Variants in SSR1 observed in about 807,000 individuals in gnomAD.
The protein encoded by SSR1 is signal sequence receptor subunit 1, also known as translocon-associated protein subunit alpha.
In SSR1, 13 loss-of-function variants were observed where a neutral mutation model predicts 36.1. The ratio of observed to expected loss-of-function variants is 0.36; its 90% CI spans 0.23 to 0.57. The LOEUF (loss-of-function observed/expected upper bound fraction) is 0.57, where lower values mean the gene tolerates loss of function less well. Ranked by LOEUF, SSR1 falls within the 20% of genes least tolerant of loss-of-function variation. The probability of loss-of-function intolerance (pLI) is 0.81; values close to 1 mark genes in which losing one functional copy is unlikely to be tolerated. For missense variants in SSR1, 291 were observed against 338.5 expected (o/e 0.86, Z 1.10); for synonymous variants, 113 against 118.9 (o/e 0.95, Z 0.32).
At position 7,295,071 on chromosome 6, in the gene SSR1, A is replaced by AAAAT. The variant is rs1482397090; in HGVS notation, c.793+317_793+320dup. On this transcript the variant is annotated intron_variant, in intron 7 of 7. Coordinates refer to ENST00000244763, the MANE Select transcript of SSR1 (RefSeq NM_003144.5). ...CAATTCTCTAGCAAAAACCATTAAAAAAATTAAATGCCTCACCTCTTCTAC... is the reference window on the plus strand; with the variant it reads ...CAATTCTCTAGCAAAAACCATTAAAAAAATAAATTAAATGCCTCACCTCTTCTAC... 3.3e-6 allele frequency: 5 copies of AAAAT among 1,510,030 alleles called. 1 individual carries two copies. The highest frequency in any genetic ancestry group is 4.6e-5 in the Admixed American group (2 of 43,486). The allele number at this position is 1,510,030 out of a possible 1,614,324, so 93.5% of individuals were successfully genotyped here.
chr6:7,293,846 A>G (rs543167613), intron 7 of SSR1, among the ~76,000 whole-genome samples: 1 of 152,376 alleles, frequency 6.6e-6, no homozygotes, highest in South Asian at 2.1e-4. Flanking sequence ...TCAAGGGTCA[A>G]CTATGAATAT....
intron 1 of SSR1, among the ~76,000 whole-genome samples, 198 bp downstream of exon 1, chr6:7,312,844 G>A (rs536285478): frequency 1.3e-5 from 2 of 152,358 alleles, no homozygotes; most frequent in East Asian, 1.9e-4. Flanking sequence ...CGCGTGCAAG[G>A]GGCAGGCCGC....
At chr6:7,312,977 T>C (rs1449337346) in intron 1 of SSR1, 65 bp downstream of exon 1, 1 of 1,523,608 alleles carries the variant, frequency 6.6e-7, no homozygotes, top group African/African-American at 1.4e-5. Context: ...CGCCTCCAAC[T>C]TCAAACTTGC....
At chr6:7,294,076 T>C (rs1011097974) in intron 7 of SSR1, among the ~76,000 whole-genome samples, 2 of 152,162 alleles carry the variant, frequency 1.3e-5, no homozygotes, top group Non-Finnish European at 2.9e-5. Flanking sequence ...TAAGAAGTTA[T>C]CCTATAAATT....
chr6:7,289,762 G>C lies in SSR1; in HGVS notation c.*102C>G. ...TTGCTCAGTCCACACACAAGTAGGA[G>C]TTGCCTTCTATGGTGACATGGCTTC... On this transcript the variant is annotated 3_prime_UTR_variant, in exon 8 of 8. Transcript: ENST00000244763. The C allele has an allele frequency of 1.0e-6, 1 of 1,004,122 alleles. No individual in the cohort carries two copies. The allele number at this position is 1,004,122 out of a possible 1,614,324, so 62.2% of individuals were successfully genotyped here.
chr6:7,295,174 C>A, intron 7 of SSR1: 1 of 1,457,020 alleles, frequency 6.9e-7, no homozygotes, highest in Non-Finnish European at 9.1e-7. Flanking sequence ...CATAAATAAG[C>A]TGCAGATCTG....
Position 7,289,861 on chromosome 6 carries a change from C to G in SSR1, c.*3G>C. ...AAGACCGAATTGTTGCACAAAGGAA[C>G]ATTTACTCATCAGATCCCACTGATC... On this transcript the variant is annotated 3_prime_UTR_variant, in exon 8 of 8. Coordinates refer to ENST00000244763, the MANE Select transcript of SSR1 (RefSeq NM_003144.5). The G allele has an allele frequency of 6.4e-7, 1 of 1,568,058 alleles. No individual in the cohort carries two copies.
intron 1 of SSR1, among the ~76,000 whole-genome samples, chr6:7,311,236 G>A (rs779241354): frequency 1.3e-5 from 2 of 152,212 alleles, no homozygotes; most frequent in African/African-American, 2.4e-5. Flanking sequence ...GTGAATCACA[G>A]TTTTATAGAC....
rs1456225236 is a variant in SSR1, at chr6:7,298,739, T to C, written c.620+8A>G. 6 of 1,608,244 alleles carry C rather than the reference T, an allele frequency of 3.7e-6. No homozygotes were observed. In the Middle Eastern group the frequency reaches 5.0e-4, roughly 133 times the overall value. On this transcript the variant is annotated splice_region_variant and intron_variant, in intron 5 of 7. Transcript: ENST00000244763. ...AATCAAGATCTACATACTACAACTT[T>C]CACTTACGTTTCTCCATCTAACCCA...
At chr6:7,291,306 G>A (rs781526355) in intron 7 of SSR1, among the ~76,000 whole-genome samples, 1 of 152,118 alleles carries the variant, frequency 6.6e-6, no homozygotes, top group Non-Finnish European at 1.5e-5. Context: ...GCTGAGGCAG[G>A]AGAATCACTT....
At chr6:7,299,044 T>C (rs1007745854) in intron 4 of SSR1, among the ~76,000 whole-genome samples, 1 of 152,186 alleles carries the variant, frequency 6.6e-6, no homozygotes, top group Admixed American at 6.5e-5. Context: ...AGATGGCGTA[T>C]GCCTGTGGTC....
At chr6:7,307,779 G>C (rs1481850090) in intron 2 of SSR1, among the ~76,000 whole-genome samples, 1 of 152,162 alleles carries the variant, frequency 6.6e-6, no homozygotes, top group East Asian at 1.9e-4. Context: ...TCCTGTCCTG[G>C]CCTCCCAAAG....
chr6:7,307,677 C>T (rs1027575325), intron 2 of SSR1, among the ~76,000 whole-genome samples: 5 of 152,144 alleles, frequency 3.3e-5, no homozygotes, highest in African/African-American at 1.2e-4. Flanking sequence ...GGATTACAGG[C>T]GCAAGCCACC....
chr6:7,311,714 T>C (rs939678408), intron 1 of SSR1, among the ~76,000 whole-genome samples: 9 of 152,262 alleles, frequency 5.9e-5, no homozygotes, highest in African/African-American at 2.2e-4. Flanking sequence ...AATAACAATT[T>C]TGTCCCCATG....
chr6:7,301,286 A>G, intron 4 of SSR1, 24 bp downstream of exon 4: 3 of 1,606,456 alleles, frequency 1.9e-6, no homozygotes, highest in Non-Finnish European at 2.5e-6. Context: ...AACTTAAACA[A>G]AAAGAAGGTT....
intron 2 of SSR1, among the ~76,000 whole-genome samples, chr6:7,308,242 C>T (rs1000490243): frequency 6.6e-6 from 1 of 151,992 alleles, no homozygotes; most frequent in Non-Finnish European, 1.5e-5. Context: ...TAGGGACATC[C>T]TATCCAGATA....
At chr6:7,300,704 G>A (rs1239030102) in intron 4 of SSR1, among the ~76,000 whole-genome samples, 2 of 152,248 alleles carry the variant, frequency 1.3e-5, no homozygotes, top group African/African-American at 2.4e-5. Flanking sequence ...GTACAATGGT[G>A]CGATCTCAGC....
Position 7,289,549 on chromosome 6 carries a change from A to T in SSR1, c.*315T>A, listed in dbSNP as rs1050681. The T allele has an allele frequency of 0.13, 38,641 of 304,288 alleles. 3,088 individuals carry two copies. The highest frequency in any genetic ancestry group is 0.17 in the Non-Finnish European group (28,225 of 166,358). The allele number at this position is 304,288 out of a possible 1,614,324, so 18.8% of individuals were successfully genotyped here. ...AGAAAATGTCAAAAAGGAAGAGACAACAGCATTATATTTAGTATTCTAAAG... is the reference window on the plus strand; with the variant it reads ...AGAAAATGTCAAAAAGGAAGAGACATCAGCATTATATTTAGTATTCTAAAG... On this transcript the variant is annotated 3_prime_UTR_variant, in exon 8 of 8. Coordinates refer to ENST00000244763, the MANE Select transcript of SSR1 (RefSeq NM_003144.5).
At chr6:7,307,265 C>T (rs1758089252) in intron 2 of SSR1, among the ~76,000 whole-genome samples, 1 of 152,216 alleles carries the variant, frequency 6.6e-6, no homozygotes, top group African/African-American at 2.4e-5. Context: ...AAGCCTACCC[C>T]TGCTGGTGTG....
Sources: gnomAD v4.1 joint callset for allele counts (sites outside exome capture counted in the v4.1 genomes callset) on GRCh38, gnomAD v4.1.1 for gene constraint, MANE v1.5 for transcripts, NCBI Gene and HGNC (gene_info 2026-07-23, HGNC 2026-07-21) for gene names.